The following GPC3 variants were observed in gnomAD, a reference collection of about 807,000 sequenced individuals.
The protein encoded by GPC3 is glypican 3, also known as glypican-3.
In GPC3, 3 loss-of-function variants were observed where a neutral mutation model predicts 34.4. The observed-to-expected ratio is 0.09, with a 90% confidence interval of 0.04 to 0.23. The LOEUF (loss-of-function observed/expected upper bound fraction) is 0.23. Ranked by LOEUF, GPC3 falls within the 10% of genes least tolerant of loss-of-function variation. The pLI is 1.00. For missense variants in GPC3, 351 were observed against 445.6 expected (o/e 0.79, Z 1.91); for synonymous variants, 177 against 174.0 (o/e 1.02, Z -0.13).
chrX:133,832,327 G>A (rs761659030), intron 2 of GPC3, among the ~76,000 whole-genome samples: 9 of 109,136 alleles, frequency 8.2e-5, no homozygotes, highest in Middle Eastern at 4.7e-3. Flanking sequence ...GCTTACTACC[G>A]GTGAGGCTGG....
Position 133,661,762 on chromosome X carries a change from G to C in GPC3, c.1381C>G (p.Gln461Glu), listed in dbSNP as rs1603215815. The C allele has an allele frequency of 8.4e-7, 1 of 1,190,554 alleles. No homozygotes were observed. The highest frequency in any genetic ancestry group is 1.1e-6 in the Non-Finnish European group (1 of 880,460). The change falls in exon 6 of 8, where the codon CAA (glutamine) becomes GAA (glutamate). Residue 461 changes from glutamine to glutamate, a missense_variant. Physicochemically the swap from Gln to Glu is conservative, Grantham distance 29 (BLOSUM62 2). Transcript: ENST00000370818. The stretch of plus-strand genomic sequence containing the variant: ...ATGTGCTTCAGTTTGTCAATAATTT[G>C]ACTGACCACTGGCTCAGGGCCCTTC... ...KMKGPEPVVS[Q>E]IIDKLKHINQ...
At chrX:133,882,326 T>C (rs1299560762) in intron 2 of GPC3, among the ~76,000 whole-genome samples, 1 of 111,673 alleles carries the variant, frequency 9.0e-6, no homozygotes, top group African/African-American at 3.3e-5. Flanking sequence ...ATCTGGACCC[T>C]GACTAAAATT....
intron 2 of GPC3, among the ~76,000 whole-genome samples, chrX:133,766,362 T>C (rs2071845341): frequency 8.9e-6 from 1 of 112,027 alleles, no homozygotes; most frequent in African/African-American, 3.2e-5. Context: ...CCCTGGGTCC[T>C]AAAGGCTTGC....
In GPC3 at chrX:133,885,366, C is replaced by T. The variant is rs192038585; in HGVS notation, c.337+67684G>A. On this transcript the variant is annotated intron_variant, in intron 2 of 7. Coordinates refer to ENST00000370818, the MANE Select transcript of GPC3 (RefSeq NM_004484.4). ...TTGGATTTCCCTTATATATGATCCT[C>T]AAGTGTCCAGAATGTAGATAACAAT... Among the ~76,000 whole-genome samples the T allele has an allele frequency of 9.1e-4, 101 of 111,565 alleles. 1 individual carries two copies. The highest frequency in any genetic ancestry group is 3.1e-3 in the African/African-American group (96 of 30,771).
At chrX:133,750,487 T>C (rs1282714836) in intron 3 of GPC3, among the ~76,000 whole-genome samples, 1 of 112,186 alleles carries the variant, frequency 8.9e-6, no homozygotes, top group Non-Finnish European at 1.9e-5. Context: ...TGTAAATCAA[T>C]GGGATTGGAC....
chrX:133,634,188 T>G, intron 6 of GPC3, among the ~76,000 whole-genome samples: 2 of 111,760 alleles, frequency 1.8e-5, no homozygotes, highest in East Asian at 5.6e-4. Flanking sequence ...ATATGTAGAA[T>G]AGGATATGGA....
chrX:133,559,433 G>C (rs921315611), intron 7 of GPC3, among the ~76,000 whole-genome samples: 2 of 111,458 alleles, frequency 1.8e-5, no homozygotes, highest in Non-Finnish European at 3.8e-5. Context: ...CGGAGTTGAG[G>C]AAAACTCAGG....
intron 3 of GPC3, among the ~76,000 whole-genome samples, chrX:133,707,535 T>G (rs761373580): frequency 5.4e-4 from 60 of 111,370 alleles, no homozygotes; most frequent in Non-Finnish European, 7.2e-4. Flanking sequence ...GGACCTAGTA[T>G]GTACTGTGTT....
At chrX:133,771,991 A>G (rs943523220) in intron 2 of GPC3, among the ~76,000 whole-genome samples, 3 of 111,698 alleles carry the variant, frequency 2.7e-5, no homozygotes, top group African/African-American at 9.8e-5. Context: ...CTATAGAACA[A>G]GACACCAGTA....
chrX:133,918,462 T>C (rs773512548), intron 2 of GPC3, among the ~76,000 whole-genome samples: 1 of 112,646 alleles, frequency 8.9e-6, no homozygotes, highest in African/African-American at 3.2e-5. Flanking sequence ...TTACATCTTA[T>C]TGCAGCTTTA....
intron 2 of GPC3, among the ~76,000 whole-genome samples, chrX:133,875,190 C>T (rs2076010260): frequency 8.9e-6 from 1 of 111,813 alleles, no homozygotes; most frequent in South Asian, 3.7e-4. Context: ...ATTTTCTAAT[C>T]TTAGTGTCTC....
intron 2 of GPC3, among the ~76,000 whole-genome samples, chrX:133,804,620 C>T (rs2124522172): frequency 9.0e-6 from 1 of 111,365 alleles, no homozygotes; most frequent in East Asian, 2.8e-4. Flanking sequence ...TTTTTCTTAA[C>T]ATAATATTTC....
chrX:133,702,637 G>C (rs776078615), intron 3 of GPC3, among the ~76,000 whole-genome samples: 1 of 111,445 alleles, frequency 9.0e-6, no homozygotes, highest in Admixed American at 9.6e-5. Context: ...TGCAGCTGAG[G>C]CAAAAGTAGG....
At chrX:133,792,560 C>A (rs1007070292) in intron 2 of GPC3, among the ~76,000 whole-genome samples, 5 of 110,935 alleles carry the variant, frequency 4.5e-5, no homozygotes, top group African/African-American at 1.3e-4. Context: ...GCATTTGTTT[C>A]CCCCTAAGCT....
At position 133,945,753 on chromosome X, in the gene GPC3, CA is replaced by C. The variant is rs199768417; in HGVS notation, c.337+7296del. 1.2e-3 allele frequency among the ~76,000 whole-genome samples: 97 copies of C among 79,248 alleles called. 1 individual carries two copies. Among genetic ancestry groups the C allele is most frequent in the East Asian group, 3.8e-3 (10 of 2,619 alleles). 68.8% of individuals were successfully genotyped at this position (79,248 alleles called of 115,157 possible). ...TGGGTGACAGAGAGAGACTCCGTCTCAAAAAAAAAAAAAGAAAAGAAAAGAA... is the reference window on the plus strand; with the variant it reads ...TGGGTGACAGAGAGAGACTCCGTCTCAAAAAAAAAAAAGAAAAGAAAAGAA... On this transcript the variant is annotated intron_variant, in intron 2 of 7. Transcript: ENST00000370818.
At chrX:133,838,853 T>C (rs2075810674) in intron 2 of GPC3, among the ~76,000 whole-genome samples, 1 of 111,885 alleles carries the variant, frequency 8.9e-6, no homozygotes, top group African/African-American at 3.3e-5. Context: ...TTTAACACCC[T>C]TAGCGGGAGG....
chrX:133,670,226 T>C (rs2070813671), intron 5 of GPC3, among the ~76,000 whole-genome samples: 1 of 111,741 alleles, frequency 8.9e-6, no homozygotes, highest in Non-Finnish European at 1.9e-5. Flanking sequence ...GGAAGCACTC[T>C]CAGCGATCAT....
chrX:133,687,644 T>C (rs190463214), intron 5 of GPC3, among the ~76,000 whole-genome samples: 1,483 of 110,119 alleles, frequency 0.013, 25 homozygotes, highest in African/African-American at 0.045. Flanking sequence ...GCCAGGCTGG[T>C]CTCGAACTCC....
intron 6 of GPC3, 80 bp from the exon 7 acceptor site, chrX:133,596,679 A>G (rs1284645821): frequency 2.1e-6 from 2 of 973,882 alleles, no homozygotes; most frequent in East Asian, 3.1e-5. Flanking sequence ...AACAGGAGGC[A>G]TTAAAAATGT....
Sources: gnomAD v4.1 joint callset for allele counts (sites outside exome capture counted in the v4.1 genomes callset) on GRCh38, gnomAD v4.1.1 for gene constraint, MANE v1.5 for transcripts, NCBI Gene and HGNC (gene_info 2026-07-23, HGNC 2026-07-21) for gene names.